The following USH2A variants were observed in gnomAD, a reference collection of about 807,000 sequenced individuals.
The protein encoded by USH2A is usherin, also known as Usher syndrome 2A (autosomal recessive, mild).
A neutral mutation model predicts 538.9 loss-of-function variants in USH2A; 443 were observed. That is an observed-to-expected ratio of 0.82 (90% confidence interval 0.76 to 0.89). The LOEUF (loss-of-function observed/expected upper bound fraction) is 0.89. USH2A is among the 40% of genes least tolerant of loss of function. The pLI, the probability that USH2A is intolerant of heterozygous loss-of-function variation, is 0.00. For synonymous variants in USH2A, 2,413 were observed against 2,273.5 expected, an observed-to-expected ratio of 1.06 and a Z score of -1.75; for missense variants, 6,633 against 6,324.8, an observed-to-expected ratio of 1.05 and a Z score of -1.65.
At chr1:215,885,959 T>C (rs190781454) in intron 41 of USH2A, among the ~76,000 whole-genome samples, 1 of 152,346 alleles carries the variant, frequency 6.6e-6, no homozygotes, top group Admixed American at 6.5e-5. Context: ...TATTACATAG[T>C]TATTTGTTTG....
chr1:216,199,958 A>C lies in USH2A; in HGVS notation c.3480T>G (p.Ile1160Met). Residue 1160 changes from isoleucine to methionine, a missense_variant, in exon 17 of 72, where the codon ATT (isoleucine) becomes ATG (methionine). Coordinates refer to ENST00000307340, the MANE Select transcript of USH2A (RefSeq NM_206933.4). Reference protein sequence around the residue: ...GNLTLSYIIPIGSDSVTLTWT... With the variant: ...GNLTLSYIIPMGSDSVTLTWT... ...AGGTAAGTGTCACAGAGTCTGAGCC[A>C]ATAGGAATGATATAACTTAAAGTCA... 1 of 1,614,134 alleles carries C rather than the reference A, an allele frequency of 6.2e-7. No individual in the cohort carries two copies. Among genetic ancestry groups the C allele is most frequent in the African/African-American group, 1.3e-5 (1 of 75,044 alleles).
At chr1:215,980,345 T>C (rs774131549) in intron 35 of USH2A, among the ~76,000 whole-genome samples, 12 of 152,192 alleles carry the variant, frequency 7.9e-5, no homozygotes, top group African/African-American at 2.7e-4. Context: ...GGTAGAGCTA[T>C]GTGTCGGCAC....
At chr1:216,273,813 G>GAA (rs71739884) in intron 11 of USH2A, among the ~76,000 whole-genome samples, 4 of 115,850 alleles carry the variant, frequency 3.5e-5, no homozygotes, top group Admixed American at 9.1e-5. Flanking sequence ...CTCCAATCCA[G>GAA]AAAAAAAAAA....
At position 215,758,592 on chromosome 1, in the gene USH2A, T is replaced by C; in HGVS notation, c.11389+3A>G. ...CACACACATACTTCTTTTTTTTTTT[T>C]ACCTGGTGGTATCCAAGCTACAAAT... On this transcript the variant is annotated splice_donor_region_variant and intron_variant, in intron 58 of 71. Transcript: ENST00000307340. The C allele has an allele frequency of 1.9e-6, 3 of 1,611,150 alleles. No individual in the cohort carries two copies. The highest frequency in any genetic ancestry group is 1.8e-4 in the Middle Eastern group (1 of 5,610).
rs559083550 is a variant in USH2A at position 216,276,998 on chromosome 1, A to G, written c.1971+12282T>C. Among the ~76,000 whole-genome samples the G allele has an allele frequency of 7.2e-5, 11 of 152,240 alleles. No homozygotes were observed. The South Asian group carries it at 1.5e-3, about 20-fold the overall frequency. On this transcript the variant is annotated intron_variant, in intron 11 of 71. Transcript: ENST00000307340. ...ATGATGTAATGAATAATTTGTTTAA[A>G]CAAACTTACTATTCTCATATCTATC...
rs2102589784 is a variant in USH2A at position 216,277,458 on chromosome 1, A to G, written c.1971+11822T>C. Among the ~76,000 whole-genome samples, 2 of 152,270 alleles carry G rather than the reference A, an allele frequency of 1.3e-5. 1 individual carries two copies. The highest frequency in any genetic ancestry group is 4.1e-4 in the South Asian group (2 of 4,828). On this transcript the variant is annotated intron_variant, in intron 11 of 71. Coordinates refer to ENST00000307340, the MANE Select transcript of USH2A (RefSeq NM_206933.4). ...CCTCCAAGCAGGTAGTCCCACCAAT[A>G]TTAATGGCTTGGCACCCCTGAGATG...
At chr1:216,313,260 C>T (rs1010990714) in intron 9 of USH2A, among the ~76,000 whole-genome samples, 1 of 152,184 alleles carries the variant, frequency 6.6e-6, no homozygotes, top group African/African-American at 2.4e-5. Context: ...TCACGTCCTA[C>T]TATGCAGTCC....
chr1:215,879,363 T>C (rs1053522351), intron 41 of USH2A, among the ~76,000 whole-genome samples: 3 of 152,208 alleles, frequency 2.0e-5, no homozygotes, highest in African/African-American at 7.2e-5. Flanking sequence ...ACCTTAGCGA[T>C]TCATCGCCAC....
intron 38 of USH2A, among the ~76,000 whole-genome samples, chr1:215,912,455 A>G (rs188904336): frequency 0.012 from 1,513 of 124,338 alleles, 21 homozygotes; most frequent in South Asian, 0.024. Flanking sequence ...AGGTATGTGT[A>G]TATATATATA....
chr1:216,339,848 A>C (rs1254924267), intron 4 of USH2A, among the ~76,000 whole-genome samples: 1 of 152,008 alleles, frequency 6.6e-6, no homozygotes, highest in Non-Finnish European at 1.5e-5. Context: ...TTAAGAGGGA[A>C]ATTTATAGCA....
intron 20 of USH2A, among the ~76,000 whole-genome samples, chr1:216,179,122 A>T (rs1050637045): frequency 6.6e-6 from 1 of 152,120 alleles, no homozygotes; most frequent in South Asian, 2.1e-4. Context: ...AACTCAATGG[A>T]GATAATGTTG....
intron 18 of USH2A, among the ~76,000 whole-genome samples, chr1:216,197,316 T>G (rs2034873067): frequency 6.6e-6 from 1 of 152,202 alleles, no homozygotes. Context: ...ATTTTAAATG[T>G]GCTAACCAAA....
chr1:216,196,722 GC>G lies in USH2A; in HGVS notation c.4082-1del. ...TGAAGGAGGGATCATGAATACAGGT[GC>G]TATCAATGAGAACAATAACAATAAC... On this transcript the variant is annotated splice_acceptor_variant, in intron 18 of 71. Transcript: ENST00000307340. LOFTEE classifies it high-confidence loss of function. The G allele has an allele frequency of 6.2e-7, 1 of 1,612,482 alleles. No homozygotes were observed. The highest frequency in any genetic ancestry group is 2.2e-5 in the East Asian group (1 of 44,666).
intron 20 of USH2A, among the ~76,000 whole-genome samples, chr1:216,180,677 C>T (rs969773949): frequency 9.2e-5 from 14 of 152,054 alleles, no homozygotes; most frequent in African/African-American, 3.4e-4. Context: ...TATCTTAAAG[C>T]ATCATCAGCT....
intron 37 of USH2A, among the ~76,000 whole-genome samples, chr1:215,952,462 T>C (rs142603087): frequency 0.032 from 4,877 of 152,288 alleles, 122 homozygotes; most frequent in South Asian, 0.083. Context: ...TTGATGCAGT[T>C]TCTTCCTAGC....
At chr1:215,629,566 T>A (rs1192938336) in intron 70 of USH2A, among the ~76,000 whole-genome samples, 1 of 151,886 alleles carries the variant, frequency 6.6e-6, no homozygotes, top group Non-Finnish European at 1.5e-5. Flanking sequence ...CCTCCCTCCC[T>A]CATTTCTCAT....
chr1:215,652,500 A>G (rs1657114490), intron 64 of USH2A, among the ~76,000 whole-genome samples: 1 of 152,188 alleles, frequency 6.6e-6, no homozygotes, highest in South Asian at 2.1e-4. Flanking sequence ...GGAGCTAGCA[A>G]TGGGAGAGCC....
intron 21 of USH2A, among the ~76,000 whole-genome samples, chr1:216,147,376 T>C (rs2033732353): frequency 6.6e-6 from 1 of 152,102 alleles, no homozygotes; most frequent in African/African-American, 2.4e-5. Flanking sequence ...AGCAATTTAC[T>C]CTTAAAAAGG....
At chr1:216,308,222 G>C (rs1415413582) in intron 9 of USH2A, among the ~76,000 whole-genome samples, 1 of 152,170 alleles carries the variant, frequency 6.6e-6, no homozygotes, top group South Asian at 2.1e-4. Flanking sequence ...TGGTCATGTT[G>C]ATGTGATAGC....
Sources: allele counts gnomAD v4.1 joint callset (sites outside exome capture counted in the v4.1 genomes callset), GRCh38; gene constraint gnomAD v4.1.1; transcripts MANE v1.5; gene names NCBI Gene and HGNC (gene_info 2026-07-23, HGNC 2026-07-21).